The following SATB2 variants were observed in gnomAD, a reference collection of about 807,000 sequenced individuals.
The protein encoded by SATB2 is DNA-binding protein SATB2.
In SATB2, 1 loss-of-function variant was observed where a neutral mutation model predicts 73.4. The observed-to-expected ratio is 0.01, with a 90% CI of 0.00 to 0.06. SATB2 has a LOEUF of 0.06. Among genes scored for constraint, SATB2 ranks in the 10% least tolerant of loss-of-function variants. The pLI, the probability that SATB2 is intolerant of heterozygous loss-of-function variation, is 1.00. For synonymous variants in SATB2, 397 were observed against 367.0 expected (o/e 1.08, Z -0.93); for missense variants, 459 against 945.8 (o/e 0.49, Z 6.75).
intron 3 of SATB2, among the ~76,000 whole-genome samples, chr2:199,415,497 G>T (rs1271272560): frequency 1.3e-5 from 2 of 152,158 alleles, no homozygotes; most frequent in African/African-American, 4.8e-5. Context: ...GCTATAAGAA[G>T]AATTTAATAC....
chr2:199,308,563 C>T lies in SATB2; in HGVS notation c.1740+197G>A, dbSNP rs78338033. 0.015 allele frequency among the ~76,000 whole-genome samples: 2,209 copies of T among 151,502 alleles called. 59 individuals are homozygous for T. The highest frequency in any genetic ancestry group is 0.051 in the African/African-American group (2,077 of 40,878). On this transcript the variant is annotated intron_variant, in intron 10 of 10. Transcript: ENST00000417098. This position sits in a 1 kb window ranked among gnomAD's most constrained non-coding sequence, Gnocchi z 4.6. ...TTGTGTGTGCATACACACACACACA[C>T]GCACGCACATGCACACACACACACA...
At chr2:199,407,036 G>C (rs1412123582) in intron 3 of SATB2, among the ~76,000 whole-genome samples, 1 of 151,982 alleles carries the variant, frequency 6.6e-6, no homozygotes, top group African/African-American at 2.4e-5. Flanking sequence ...GTATAGAAAA[G>C]TTGGCTGGGT....
chr2:199,423,172 G>A (rs903875088), intron 3 of SATB2, among the ~76,000 whole-genome samples: 5 of 151,998 alleles, frequency 3.3e-5, no homozygotes, highest in African/African-American at 1.2e-4. Context: ...TATAATGTTA[G>A]GTCCTACCTA....
intron 10 of SATB2, among the ~76,000 whole-genome samples, chr2:199,301,096 T>G (rs1687276330): frequency 6.6e-6 from 1 of 152,004 alleles, no homozygotes; most frequent in South Asian, 2.1e-4. Flanking sequence ...CTATAAAAAT[T>G]TATGTTTAAT....
chr2:199,278,307 C>G (rs1284545411), intron 10 of SATB2, among the ~76,000 whole-genome samples: 2 of 152,150 alleles, frequency 1.3e-5, no homozygotes, highest in African/African-American at 2.4e-5. Context: ...AGCTGTGCCG[C>G]CCAATACAGT....
At chr2:199,418,976 T>G (rs1446410727) in intron 3 of SATB2, among the ~76,000 whole-genome samples, 1 of 152,174 alleles carries the variant, frequency 6.6e-6, no homozygotes, top group Non-Finnish European at 1.5e-5. Context: ...AACCCATCAC[T>G]GCAGAGCAAA....
chr2:199,349,017 A>G lies in SATB2; in HGVS notation c.857T>C (p.Val286Ala), dbSNP rs1190937317. The G allele has an allele frequency of 1.2e-6, 2 of 1,614,110 alleles. No homozygotes were observed. The highest frequency in any genetic ancestry group is 4.5e-5 in the East Asian group (2 of 44,874). The change falls in exon 7 of 11, where the codon GTG becomes GCG. Residue 286 changes from valine (V) to alanine (A), a missense_variant. Transcript: ENST00000417098. ...GCTCATGATGGGCTGTAATGCGGGCACTTGGTTTCGGATTGGAGTACTGTG... is the reference window on the plus strand; with the variant it reads ...GCTCATGATGGGCTGTAATGCGGGCGCTTGGTTTCGGATTGGAGTACTGTG... The part of the protein sequence containing the change: ...IHHSTPIRNQ[V>A]PALQPIMSPG...
At chr2:199,425,731 C>G (rs909970569) in intron 3 of SATB2, among the ~76,000 whole-genome samples, 1 of 151,952 alleles carries the variant, frequency 6.6e-6, no homozygotes, top group African/African-American at 2.4e-5. Context: ...CCAACATAAA[C>G]AAATATAAGG....
chr2:199,289,530 T>C (rs1027558048), intron 10 of SATB2, among the ~76,000 whole-genome samples: 4 of 152,194 alleles, frequency 2.6e-5, no homozygotes, highest in Non-Finnish European at 4.4e-5. Context: ...CCACACAACG[T>C]TGCCTTGGCT....
At chr2:199,413,129 A>G (rs923078812) in intron 3 of SATB2, among the ~76,000 whole-genome samples, 6 of 152,194 alleles carry the variant, frequency 3.9e-5, no homozygotes, top group African/African-American at 1.4e-4. Context: ...TTTTTAATAA[A>G]ATGTATATCT....
chr2:199,319,003 T>C (rs1433609007), intron 9 of SATB2, among the ~76,000 whole-genome samples: 1 of 151,394 alleles, frequency 6.6e-6, no homozygotes, highest in African/African-American at 2.4e-5. Context: ...CTTGAAACTT[T>C]TTTTTTTTTT....
chr2:199,294,922 G>C (rs1692983519), intron 10 of SATB2, among the ~76,000 whole-genome samples: 1 of 151,932 alleles, frequency 6.6e-6, no homozygotes, highest in Non-Finnish European at 1.5e-5. Context: ...AATTTTTGAG[G>C]TGCACTGTTT....
intron 3 of SATB2, among the ~76,000 whole-genome samples, chr2:199,401,754 GA>G (rs765760965): frequency 2.6e-5 from 4 of 152,122 alleles, no homozygotes; most frequent in Non-Finnish European, 5.9e-5. Context: ...GAAATTCAAA[GA>G]GGCTGGCAGT....
intron 2 of SATB2, among the ~76,000 whole-genome samples, chr2:199,449,683 A>G (rs1692069013): frequency 6.6e-6 from 1 of 152,154 alleles, no homozygotes; most frequent in African/African-American, 2.4e-5. Context: ...ACTTTGAAAT[A>G]TTTATCACAT....
chr2:199,307,159 T>C (rs922287369), intron 10 of SATB2, among the ~76,000 whole-genome samples: 17 of 152,142 alleles, frequency 1.1e-4, no homozygotes, highest in African/African-American at 3.6e-4. Flanking sequence ...GGCTGAACTG[T>C]AGCATTTACA....
chr2:199,428,191 C>T (rs890452239), intron 3 of SATB2, among the ~76,000 whole-genome samples: 1 of 152,146 alleles, frequency 6.6e-6, no homozygotes, highest in African/African-American at 2.4e-5. Flanking sequence ...AAATGCTCAA[C>T]CTACTATAGG....
chr2:199,310,112 T>C (rs966144455), intron 9 of SATB2, among the ~76,000 whole-genome samples: 2 of 152,174 alleles, frequency 1.3e-5, no homozygotes, highest in Non-Finnish European at 2.9e-5. Context: ...GCCTCCATGT[T>C]AATAACCTGA....
chr2:199,422,988 T>C (rs1245678098), intron 3 of SATB2, among the ~76,000 whole-genome samples: 1 of 152,136 alleles, frequency 6.6e-6, no homozygotes, highest in African/African-American at 2.4e-5. Context: ...TTTCAGATAA[T>C]TCAGACAGCT....
rs1385377708 is a variant in SATB2, at chr2:199,380,418, T to C, written c.543A>G (p.Glu181=). 1.2e-6 allele frequency: 2 copies of C among 1,613,854 alleles called. No individual in the cohort carries two copies. The highest frequency in any genetic ancestry group is 1.7e-6 in the Non-Finnish European group (2 of 1,179,874). Reference sequence around the variant, plus strand: ...TGCTCTGGTTCATCTCTTTGAGCAGTTCCTTTAAGGCATTGCGGACTGTGG... The same window carrying C: ...TGCTCTGGTTCATCTCTTTGAGCAGCTCCTTTAAGGCATTGCGGACTGTGG... ...NHATVRNALK[E]LLKEMNQSTL... The change falls in exon 5 of 11, where the codon GAA becomes GAG. Residue 181 remains glutamate (E), a synonymous_variant. Coordinates refer to ENST00000417098, the MANE Select transcript of SATB2 (RefSeq NM_001172509.2).
Sources: gnomAD v4.1 joint callset for allele counts (sites outside exome capture counted in the v4.1 genomes callset) on GRCh38, gnomAD v4.1.1 for gene constraint, Gnocchi (gnomAD v3.1) non-coding constraint, MANE v1.5 for transcripts, NCBI Gene and HGNC (gene_info 2026-07-23, HGNC 2026-07-21) for gene names.